AP1G1: variants seen among roughly 807,000 people sequenced by gnomAD.
AP1G1 encodes AP-1 complex subunit gamma-1.
Under a neutral mutation model 108.3 loss-of-function variants are expected in AP1G1, and 7 were observed. That is an observed-to-expected ratio of 0.06 (90% CI 0.04 to 0.12). AP1G1 has a LOEUF of 0.12. AP1G1 is among the 10% of genes least tolerant of loss of function. The pLI, the probability that AP1G1 is intolerant of heterozygous loss-of-function variation, is 1.00. For missense variants in AP1G1, 756 were observed against 1,010.7 expected (o/e 0.75, Z 3.42); for synonymous variants, 379 against 353.5 (o/e 1.07, Z -0.81).
chr16:71,785,261 G>A (rs538177285), intron 2 of AP1G1, among the ~76,000 whole-genome samples: 1 of 152,126 alleles, frequency 6.6e-6, no homozygotes, highest in East Asian at 1.9e-4. Context: ...TACCCAAGTT[G>A]TTTAAAACAT....
intron 2 of AP1G1, among the ~76,000 whole-genome samples, chr16:71,777,346 A>G (rs1431272169): frequency 6.6e-6 from 1 of 151,716 alleles, no homozygotes; most frequent in Non-Finnish European, 1.5e-5. Context: ...GAAGAAAACA[A>G]AGAGAGAGGA....
chr16:71,803,793 CG>C (rs2032893769), intron 1 of AP1G1, among the ~76,000 whole-genome samples: 1 of 151,492 alleles, frequency 6.6e-6, no homozygotes, highest in African/African-American at 2.4e-5. Flanking sequence ...GGCATGGTGG[CG>C]CACACCTGTA....
chr16:71,738,702 C>G (rs1456615687), intron 21 of AP1G1, among the ~76,000 whole-genome samples: 2 of 152,156 alleles, frequency 1.3e-5, no homozygotes, highest in African/African-American at 2.4e-5. Context: ...GCTCTCACTA[C>G]TATTAGAATT....
At chr16:71,806,262 G>A (rs1272023371) in intron 1 of AP1G1, among the ~76,000 whole-genome samples, 3 of 152,110 alleles carry the variant, frequency 2.0e-5, no homozygotes, top group South Asian at 4.1e-4. Flanking sequence ...AAAAGAAAAC[G>A]GAGGTTTCCT....
intron 1 of AP1G1, chr16:71,806,588 G>T: frequency 1.4e-6 from 1 of 728,518 alleles, no homozygotes; most frequent in Non-Finnish European, 2.0e-6. Flanking sequence ...AAAACACTGA[G>T]TTAACTAACA....
intron 9 of AP1G1, among the ~76,000 whole-genome samples, chr16:71,761,816 C>CA (rs375647068): frequency 0.11 from 4,101 of 38,436 alleles, 60 homozygotes; most frequent in Non-Finnish European, 0.16. Context: ...GACTCCATCT[C>CA]AAAAAAAAAA....
At chr16:71,778,966 G>C (rs1291657279) in intron 2 of AP1G1, among the ~76,000 whole-genome samples, 3 of 152,090 alleles carry the variant, frequency 2.0e-5, no homozygotes, top group Non-Finnish European at 4.4e-5. Flanking sequence ...CACTTAAAGC[G>C]ACTTGAAAAA....
At chr16:71,807,882 T>G (rs962518086) in intron 1 of AP1G1, 17 of 1,285,372 alleles carry the variant, frequency 1.3e-5, no homozygotes, top group Non-Finnish European at 1.7e-5. Flanking sequence ...ACCACACAAG[T>G]GTCAGTAAGC....
chr16:71,760,091 A>C (rs1235361398), intron 10 of AP1G1, among the ~76,000 whole-genome samples: 1 of 151,896 alleles, frequency 6.6e-6, no homozygotes, highest in East Asian at 1.9e-4. Context: ...GGCTGGTCTC[A>C]AACTCTTGGG....
At position 71,782,226 on chromosome 16, in the gene AP1G1, C is replaced by T. The variant is rs1409380257; in HGVS notation, c.201+7053G>A. On this transcript the variant is annotated intron_variant, in intron 2 of 22. Transcript: ENST00000299980. ...CCAACCAGGATGGAGTGCAGTGGCA[C>T]GATCTCGCCTCACTGCAACCTCCGC... Among the ~76,000 whole-genome samples the T allele has an allele frequency of 2.0e-5, 3 of 152,236 alleles. No homozygotes were observed. In the East Asian group the frequency reaches 5.8e-4, roughly 29 times the overall value.
At chr16:71,739,211 G>C (rs2045587320) in intron 20 of AP1G1, 23 bp downstream of exon 20, 2 of 1,609,242 alleles carry the variant, frequency 1.2e-6, no homozygotes. Flanking sequence ...TCCATGTAAT[G>C]ATGGTAACAA....
chr16:71,800,472 G>A (rs1311532859), intron 1 of AP1G1, among the ~76,000 whole-genome samples: 1 of 151,324 alleles, frequency 6.6e-6, no homozygotes, highest in African/African-American at 2.4e-5. Flanking sequence ...ATGTGAGGTC[G>A]GGAGTTCAAA....
chr16:71,745,318 G>C (rs777824572), intron 18 of AP1G1, 48 bp from the exon 19 acceptor site: 2 of 1,608,842 alleles, frequency 1.2e-6, no homozygotes, highest in Non-Finnish European at 1.7e-6. Context: ...GATTTGTCTA[G>C]TATACATCTA....
intron 9 of AP1G1, among the ~76,000 whole-genome samples, chr16:71,762,419 C>T (rs910187101): frequency 1.3e-5 from 2 of 152,150 alleles, no homozygotes; most frequent in African/African-American, 4.8e-5. Context: ...TCTCAATGGG[C>T]TCCTAAGATA....
At chr16:71,734,266 A>T (rs2045506230) in intron 22 of AP1G1, among the ~76,000 whole-genome samples, 1 of 152,250 alleles carries the variant, frequency 6.6e-6, no homozygotes, top group African/African-American at 2.4e-5. Flanking sequence ...CATACTTAAT[A>T]ACTGTAGCAG....
At chr16:71,788,920 T>C (rs967429686) in intron 2 of AP1G1, among the ~76,000 whole-genome samples, 5 of 152,018 alleles carry the variant, frequency 3.3e-5, no homozygotes, top group African/African-American at 1.2e-4. Context: ...GTGTCCCAAG[T>C]AGCTGGGATT....
At position 71,788,688 on chromosome 16, in the gene AP1G1, C is replaced by T. The variant is rs191217126; in HGVS notation, c.201+591G>A. ...TTTTTAAAAAAAAAAGAAATAGGAT[C>T]TTACTCTATTGCCCAGGCTGGAGTA... On this transcript the variant is annotated intron_variant, in intron 2 of 22. Coordinates refer to ENST00000299980, the MANE Select transcript of AP1G1 (RefSeq NM_001128.6). Among the ~76,000 whole-genome samples, 10 of 151,932 alleles carry T rather than the reference C, an allele frequency of 6.6e-5. No homozygotes were observed. In the East Asian group the frequency reaches 1.7e-3, roughly 26 times the overall value.
intron 2 of AP1G1, among the ~76,000 whole-genome samples, chr16:71,787,674 C>T (rs544792291): frequency 4.6e-5 from 7 of 152,142 alleles, no homozygotes; most frequent in South Asian, 2.1e-4. Flanking sequence ...ATCAATCAAC[C>T]GATCAACAAG....
intron 1 of AP1G1, among the ~76,000 whole-genome samples, chr16:71,799,993 G>T (rs1201957615): frequency 1.3e-5 from 2 of 151,818 alleles, no homozygotes; most frequent in African/African-American, 4.8e-5. Flanking sequence ...GGCCGATGCA[G>T]GCAGATTGCT....
Sources: allele counts gnomAD v4.1 joint callset (sites outside exome capture counted in the v4.1 genomes callset), GRCh38; gene constraint gnomAD v4.1.1; transcripts MANE v1.5; gene names NCBI Gene and HGNC (gene_info 2026-07-23, HGNC 2026-07-21).